Variants in EPB41 observed in about 807,000 individuals in gnomAD.
EPB41 encodes erythrocyte membrane protein band 4.1.
EPB41 carries 65 observed loss-of-function variants against 108.0 expected under a neutral mutation model. The ratio of observed to expected loss-of-function variants is 0.60; its 90% CI spans 0.49 to 0.74. EPB41 has a LOEUF of 0.74. Ranked by LOEUF, EPB41 falls within the 30% of genes least tolerant of loss-of-function variation. The pLI, the probability that EPB41 is intolerant of heterozygous loss-of-function variation, is 0.00. For synonymous variants in EPB41, 336 were observed against 358.9 expected (o/e 0.94, Z 0.72); for missense variants, 875 against 1,037.0 (o/e 0.84, Z 2.15).
At chr1:29,074,483 ACT>A (rs1653001718) in intron 16 of EPB41, among the ~76,000 whole-genome samples, 1 of 152,084 alleles carries the variant, frequency 6.6e-6, no homozygotes, top group African/African-American at 2.4e-5. Context: ...TTAATAGGCC[ACT>A]CTCATTTCTG....
rs373427279 is a variant in EPB41, at chr1:29,117,681, G to C, written c.*869G>C. The C allele has an allele frequency of 3.3e-5, 5 of 152,764 alleles. No homozygotes were observed. In the East Asian group the frequency reaches 9.6e-4, roughly 29 times the overall value. The allele number at this position is 152,764 out of a possible 1,614,324, so 9.5% of individuals were successfully genotyped here. ...CAAAAGCTCTAATGGAACATTTTTA[G>C]TGGTGATTTGGGGAAGGAAAGTTAA... On this transcript the variant is annotated 3_prime_UTR_variant, in exon 21 of 21. Coordinates refer to ENST00000343067, the MANE Select transcript of EPB41 (RefSeq NM_001376013.1).
chr1:28,894,037 A>G (rs947216186), intron 1 of EPB41, among the ~76,000 whole-genome samples: 1 of 152,228 alleles, frequency 6.6e-6, no homozygotes, highest in African/African-American at 2.4e-5. Context: ...TTTTGGTCAC[A>G]TGATACAATG....
In EPB41 at chr1:29,057,732, G is replaced by GT. The variant is rs563622623; in HGVS notation, c.1846-849dup. 7.9e-4 allele frequency among the ~76,000 whole-genome samples: 120 copies of GT among 151,986 alleles called. No homozygotes were observed. In the Middle Eastern group the frequency reaches 0.017, roughly 22 times the overall value. On this transcript the variant is annotated intron_variant, in intron 12 of 20. Coordinates refer to ENST00000343067, the MANE Select transcript of EPB41 (RefSeq NM_001376013.1). ...CTATTATGCTCCCTCTTAATAGTCT[G>GT]TTTTTTTTAAATAATTGCTCCATTT...
chr1:29,066,036 T>TA (rs1647508789), intron 16 of EPB41: 2 of 151,816 alleles, frequency 1.3e-5, no homozygotes, highest in Admixed American at 1.3e-4. Context: ...AAACTTTTAA[T>TA]ACACTGTTTT....
At chr1:29,055,930 CAAAAAAAAAAA>C (rs35702090) in intron 12 of EPB41, among the ~76,000 whole-genome samples, 1 of 59,390 alleles carries the variant, frequency 1.7e-5, no homozygotes, top group African/African-American at 8.1e-5. Context: ...AAGACTGTCT[CAAAAAAAAAAA>C]AAAAAAAAAA....
intron 2 of EPB41, among the ~76,000 whole-genome samples, chr1:28,990,126 G>T (rs1557934912): frequency 6.6e-6 from 1 of 151,242 alleles, no homozygotes. Flanking sequence ...CGTGGTGGCG[G>T]GCACCTGTAG....
At chr1:28,954,426 G>A (rs767521792) in intron 1 of EPB41, among the ~76,000 whole-genome samples, 13 of 152,118 alleles carry the variant, frequency 8.5e-5, no homozygotes, top group Non-Finnish European at 1.9e-4. Context: ...TTGGTTTGAG[G>A]TTGCTGTTCC....
At chr1:28,965,953 C>T (rs1416254638) in intron 1 of EPB41, among the ~76,000 whole-genome samples, 2 of 152,030 alleles carry the variant, frequency 1.3e-5, no homozygotes, top group Non-Finnish European at 1.5e-5. Context: ...GAGGCTGAGA[C>T]GGGTGGATCA....
intron 17 of EPB41, among the ~76,000 whole-genome samples, chr1:29,108,340 G>A (rs1667940857): frequency 6.6e-6 from 1 of 151,136 alleles, no homozygotes; most frequent in African/African-American, 2.4e-5. Flanking sequence ...TAGAGATGGG[G>A]TTTCTCCATG....
chr1:29,067,705 T>C (rs1317651952), intron 16 of EPB41, among the ~76,000 whole-genome samples: 1 of 151,972 alleles, frequency 6.6e-6, no homozygotes, highest in Non-Finnish European at 1.5e-5. Context: ...AGGGTACTTT[T>C]TGTATTTTTC....
At chr1:29,055,073 A>T (rs1218821206) in intron 12 of EPB41, among the ~76,000 whole-genome samples, 1 of 152,186 alleles carries the variant, frequency 6.6e-6, no homozygotes, top group East Asian at 1.9e-4. Flanking sequence ...GTTAAATATG[A>T]CATACAGTTT....
At chr1:29,073,461 CT>C (rs1652459090) in intron 16 of EPB41, among the ~76,000 whole-genome samples, 1 of 152,132 alleles carries the variant, frequency 6.6e-6, no homozygotes, top group Non-Finnish European at 1.5e-5. Flanking sequence ...AATTCTTGGT[CT>C]TTTGGGAGCT....
At chr1:28,978,287 A>C (rs2095655818) in intron 1 of EPB41, among the ~76,000 whole-genome samples, 1 of 151,376 alleles carries the variant, frequency 6.6e-6, no homozygotes, top group African/African-American at 2.5e-5. Flanking sequence ...TTGGGTTTGG[A>C]TCATAATCCC....
At chr1:29,072,002 A>G (rs188213157) in intron 16 of EPB41, 9 of 152,326 alleles carry the variant, frequency 5.9e-5, no homozygotes, top group Admixed American at 5.9e-4. Flanking sequence ...TTGTCCTTCA[A>G]CATCTACCAA....
intron 16 of EPB41, chr1:29,069,430 T>C: frequency 1.6e-6 from 2 of 1,225,318 alleles, no homozygotes; most frequent in Non-Finnish European, 2.0e-6. Flanking sequence ...TGTATAAACC[T>C]TCATGATGGT....
At position 29,115,679 on chromosome 1, in the gene EPB41, CTTGTTTCTGTCTT is replaced by C. The variant is rs1187825934; in HGVS notation, c.2497-15_2497-3del. 6.2e-7 allele frequency: 1 copy of C among 1,608,738 alleles called. No homozygotes were observed. The highest frequency in any genetic ancestry group is 1.7e-4 in the Middle Eastern group (1 of 6,058). ...TCAGGCTATTTTCTGCCTCATTGCC[CTTGTTTCTGTCTT>C]TTGTAGGTCCTTGTACAAGCCATCA... On this transcript the variant is annotated splice_polypyrimidine_tract_variant and splice_region_variant and intron_variant, in intron 19 of 20. Coordinates refer to ENST00000343067, the MANE Select transcript of EPB41 (RefSeq NM_001376013.1). This position sits in a 1 kb window ranked among gnomAD's most constrained non-coding sequence, Gnocchi z 4.4.
intron 4 of EPB41, among the ~76,000 whole-genome samples, chr1:29,008,058 T>G (rs1056301622): frequency 3.9e-5 from 6 of 152,234 alleles, no homozygotes; most frequent in Non-Finnish European, 1.5e-5. Flanking sequence ...ATTGTTGATG[T>G]ACATGTAGGT....
At chr1:28,904,885 G>A (rs2091646929) in intron 1 of EPB41, among the ~76,000 whole-genome samples, 1 of 152,078 alleles carries the variant, frequency 6.6e-6, no homozygotes. Context: ...AAAAAAATTA[G>A]CTGGGCATGG....
chr1:28,903,493 T>C (rs2091497762), intron 1 of EPB41, among the ~76,000 whole-genome samples: 1 of 151,678 alleles, frequency 6.6e-6, no homozygotes, highest in South Asian at 2.1e-4. Context: ...CCCGGCTAAT[T>C]TTTATATTTT....
Sources: allele counts gnomAD v4.1 joint callset (sites outside exome capture counted in the v4.1 genomes callset), GRCh38; gene constraint gnomAD v4.1.1; non-coding constraint Gnocchi (gnomAD v3.1); transcripts MANE v1.5; gene names NCBI Gene and HGNC (gene_info 2026-07-23, HGNC 2026-07-21).